STXBP5: variants seen among roughly 807,000 people sequenced by gnomAD.
STXBP5 encodes the protein syntaxin-binding protein 5.
Under a neutral mutation model 152.4 loss-of-function variants are expected in STXBP5, and 50 were observed. That is an observed-to-expected ratio of 0.33 (90% CI 0.26 to 0.42). STXBP5 has a LOEUF of 0.42. Among genes scored for constraint, STXBP5 ranks in the 10% least tolerant of loss-of-function variants. The pLI is 1.00. For synonymous variants in STXBP5, 492 were observed against 494.7 expected, an observed-to-expected ratio of 0.99 and a Z score of 0.07; for missense variants, 1,167 against 1,388.6, an observed-to-expected ratio of 0.84 and a Z score of 2.54.
chr6:147,380,022 T>C (rs1399930583), intron 26 of STXBP5, among the ~76,000 whole-genome samples: 1 of 152,086 alleles, frequency 6.6e-6, no homozygotes, highest in Non-Finnish European at 1.5e-5. Context: ...GTTCATGGAT[T>C]AGAAGATTTA....
chr6:147,235,220 C>G (rs765400484), intron 2 of STXBP5, 30 bp from the exon 3 acceptor site: 2 of 1,602,256 alleles, frequency 1.2e-6, no homozygotes, highest in South Asian at 2.2e-5. Context: ...CGAACAAATA[C>G]CATAAACTCC....
chr6:147,207,215 A>AAT (rs1036465690), intron 2 of STXBP5, among the ~76,000 whole-genome samples: 48 of 151,942 alleles, frequency 3.2e-4, no homozygotes, highest in African/African-American at 1.0e-3. Flanking sequence ...GATACATACA[A>AAT]ATATATATAT....
intron 14 of STXBP5, among the ~76,000 whole-genome samples, chr6:147,315,102 C>A (rs1019468007): frequency 6.6e-6 from 1 of 152,032 alleles, no homozygotes; most frequent in African/African-American, 2.4e-5. Flanking sequence ...CCAGTTAACT[C>A]AGGATATGTT....
chr6:147,330,553 A>G (rs905253145), intron 18 of STXBP5, among the ~76,000 whole-genome samples: 1 of 152,202 alleles, frequency 6.6e-6, no homozygotes. Context: ...TTGAGGCACT[A>G]ATTAGTCAGA....
At chr6:147,361,110 AAAAT>A (rs1314774426) in intron 23 of STXBP5, among the ~76,000 whole-genome samples, 5 of 152,282 alleles carry the variant, frequency 3.3e-5, no homozygotes, top group Middle Eastern at 3.4e-3. Context: ...GTATAGGAAT[AAAAT>A]AAACTGGAAA....
At position 147,387,526 on chromosome 6, in the gene STXBP5, T is replaced by TGA. The variant is rs1786398399; in HGVS notation, c.*2774_*2775dup. On this transcript the variant is annotated 3_prime_UTR_variant, in exon 28 of 28. Transcript: ENST00000321680. Reference sequence around the variant, plus strand: ...CAAACTAAAATCCATATGTATTTGCTGAGAAAGTTATTTGAAATCTTATAT... The same window carrying TGA: ...CAAACTAAAATCCATATGTATTTGCTGAGAGAAAGTTATTTGAAATCTTATAT... 2 of 151,808 alleles carry TGA rather than the reference T, an allele frequency of 1.3e-5. No homozygotes were observed. Among genetic ancestry groups the TGA allele is most frequent in the Admixed American group, 1.3e-4 (2 of 15,216 alleles). 9.4% of individuals were successfully genotyped at this position (151,808 alleles called of 1,614,324 possible).
chr6:147,257,742 A>T (rs771712945), intron 4 of STXBP5, among the ~76,000 whole-genome samples: 3 of 152,190 alleles, frequency 2.0e-5, no homozygotes, highest in Non-Finnish European at 4.4e-5. Flanking sequence ...ATGTTTTTAT[A>T]GCTTTATTTT....
At chr6:147,212,810 T>A (rs78164649) in intron 2 of STXBP5, among the ~76,000 whole-genome samples, 2,692 of 152,296 alleles carry the variant, frequency 0.018, 23 homozygotes, top group Middle Eastern at 0.034. Context: ...AACACAAATG[T>A]CTTTCCTTGA....
chr6:147,363,556 G>A lies in STXBP5; in HGVS notation c.2767G>A (p.Ala923Thr). Reference sequence around the variant, plus strand: ...TGCAGTGATATGTTCTGAAAAGCAAGCAAAAGTAATCTCACTGCCAACCCA... The same window carrying A: ...TGCAGTGATATGTTCTGAAAAGCAAACAAAAGTAATCTCACTGCCAACCCA... ...QYAVICSEKQ[A>T]KVISLPTQNC... Residue 923 changes from alanine (A) to threonine (T), a missense_variant, in exon 24 of 28, where the codon GCA (alanine) becomes ACA (threonine). By Grantham distance (58) the Ala-to-Thr change is moderately conservative. Coordinates refer to ENST00000321680, the MANE Select transcript of STXBP5 (RefSeq NM_001127715.4). 6.2e-7 allele frequency: 1 copy of A among 1,614,114 alleles called. No homozygotes were observed.
At position 147,204,661 on chromosome 6, in the gene STXBP5, C is replaced by G. The variant is rs752203626; in HGVS notation, c.129C>G (p.Ser43=). ...CGGAGATCCAGGAAACGCTCCAGTCCGAGCACTTTCAGCTCTGCAAGGTGA... is the reference window on the plus strand; with the variant it reads ...CGGAGATCCAGGAAACGCTCCAGTCGGAGCACTTTCAGCTCTGCAAGGTGA... ...REPEIQETLQ[S]EHFQLCKTVR... The change falls in exon 1 of 28, where the codon TCC becomes TCG. Residue 43 remains serine (S), a synonymous_variant. Coordinates refer to ENST00000321680, the MANE Select transcript of STXBP5 (RefSeq NM_001127715.4). The surrounding 1 kb of genome is among the most constrained non-coding windows in gnomAD (Gnocchi z 4.3). 6.2e-7 allele frequency: 1 copy of G among 1,607,666 alleles called. No homozygotes were observed. Among genetic ancestry groups the G allele is most frequent in the Admixed American group, 1.7e-5 (1 of 59,372 alleles).
intron 2 of STXBP5, among the ~76,000 whole-genome samples, chr6:147,216,693 T>A (rs1043960054): frequency 6.6e-6 from 1 of 152,310 alleles, no homozygotes; most frequent in East Asian, 1.9e-4. Flanking sequence ...TGTAAAAATA[T>A]ATATATGACA....
At chr6:147,275,464 A>T in intron 7 of STXBP5, among the ~76,000 whole-genome samples, 1 of 142,662 alleles carries the variant, frequency 7.0e-6, no homozygotes, top group Admixed American at 7.0e-5. Context: ...TTTTCCATTC[A>T]TCTGTCCTTT....
At chr6:147,365,595 ACTATCTG>A (rs1237831515) in intron 25 of STXBP5, among the ~76,000 whole-genome samples, 1 of 152,144 alleles carries the variant, frequency 6.6e-6, no homozygotes, top group African/African-American at 2.4e-5. Flanking sequence ...TATATTTTAA[ACTATCTG>A]CTATGTGCCT....
chr6:147,214,795 G>A (rs1777074713), intron 2 of STXBP5, among the ~76,000 whole-genome samples: 1 of 152,172 alleles, frequency 6.6e-6, no homozygotes, highest in Admixed American at 6.5e-5. Context: ...AAAATACCGT[G>A]CAGTCCAAAG....
intron 4 of STXBP5, among the ~76,000 whole-genome samples, chr6:147,253,417 C>T (rs986807744): frequency 1.3e-5 from 2 of 152,124 alleles, no homozygotes; most frequent in African/African-American, 4.8e-5. Context: ...GCCCTCTCTC[C>T]CCACTCCTGT....
At chr6:147,206,378 G>C (rs1276580481) in intron 2 of STXBP5, among the ~76,000 whole-genome samples, 1 of 152,016 alleles carries the variant, frequency 6.6e-6, no homozygotes, top group Admixed American at 6.6e-5. Flanking sequence ...CTATACTATT[G>C]GTGTGATGAA....
At chr6:147,327,091 T>C (rs1276933842) in intron 17 of STXBP5, 34 bp from the exon 18 acceptor site, 1 of 1,593,984 alleles carries the variant, frequency 6.3e-7, no homozygotes, top group Admixed American at 1.8e-5. Flanking sequence ...ATTATTTGTT[T>C]GTGCTAAAAT....
At chr6:147,250,487 A>T (rs1174431829) in intron 4 of STXBP5, among the ~76,000 whole-genome samples, 1 of 152,194 alleles carries the variant, frequency 6.6e-6, no homozygotes, top group African/African-American at 2.4e-5. Flanking sequence ...TTTAAAGTAT[A>T]TGGGAAGATT....
intron 22 of STXBP5, among the ~76,000 whole-genome samples, chr6:147,357,340 A>C (rs1176156243): frequency 6.6e-6 from 1 of 152,136 alleles, no homozygotes; most frequent in East Asian, 1.9e-4. Context: ...AAAGTAGGTA[A>C]GTGCAGGTTA....
Sources: allele counts gnomAD v4.1 joint callset (sites outside exome capture counted in the v4.1 genomes callset), GRCh38; gene constraint gnomAD v4.1.1; non-coding constraint Gnocchi (gnomAD v3.1); transcripts MANE v1.5; gene names NCBI Gene and HGNC (gene_info 2026-07-23, HGNC 2026-07-21).